The following SLC35F4 variants were observed in gnomAD, a reference collection of about 807,000 sequenced individuals.
The protein encoded by SLC35F4 is solute carrier family 35 member F4.
Under a neutral mutation model 44.2 loss-of-function variants are expected in SLC35F4, and 24 were observed. The observed-to-expected ratio is 0.54, with a 90% CI of 0.39 to 0.76. The LOEUF (loss-of-function observed/expected upper bound fraction) is 0.76, where lower values mean the gene tolerates loss of function less well. Ranked by LOEUF, SLC35F4 falls within the 30% of genes least tolerant of loss-of-function variation. The pLI is 0.00. For synonymous variants in SLC35F4, 238 were observed against 223.6 expected (o/e 1.06, Z -0.57); for missense variants, 562 against 586.1 (o/e 0.96, Z 0.42).
chr14:57,742,578 T>G (rs1318834964), intron 1 of SLC35F4, among the ~76,000 whole-genome samples: 1 of 152,078 alleles, frequency 6.6e-6, no homozygotes, highest in African/African-American at 2.4e-5. Context: ...TAAAGCAAGT[T>G]CTTAGAGACG....
chr14:57,667,188 G>C (rs915554261), intron 1 of SLC35F4, among the ~76,000 whole-genome samples: 1 of 147,504 alleles, frequency 6.8e-6, no homozygotes, highest in Admixed American at 6.7e-5. Context: ...ATACCTGCAA[G>C]CATGGGGGAG....
At chr14:57,870,933 GAA>G (rs2141026929), upstream of SLC35F4, among the ~76,000 whole-genome samples, 1 of 152,352 alleles carries the variant, frequency 6.6e-6, no homozygotes, top group South Asian at 2.1e-4. Flanking sequence ...GTGCTTTGCA[GAA>G]AGAGAAGCTG....
At chr14:57,594,321 C>T (rs1193112847) in intron 1 of SLC35F4, among the ~76,000 whole-genome samples, 197 bp from the exon 2 acceptor site, 1 of 152,144 alleles carries the variant, frequency 6.6e-6, no homozygotes, top group Non-Finnish European at 1.5e-5. Context: ...TCCCAAGTAG[C>T]TCGAATTACA....
intron 1 of SLC35F4, among the ~76,000 whole-genome samples, chr14:57,810,594 A>G (rs962109547): frequency 4.6e-5 from 7 of 152,280 alleles, no homozygotes; most frequent in African/African-American, 4.8e-5. Flanking sequence ...AGTGAGCCCA[A>G]TCTTCCTGCA....
At chr14:57,738,108 C>T (rs2076511100) in intron 1 of SLC35F4, among the ~76,000 whole-genome samples, 1 of 152,034 alleles carries the variant, frequency 6.6e-6, no homozygotes, top group African/African-American at 2.4e-5. Flanking sequence ...AGTAAAATGC[C>T]CACTCCAGAA....
chr14:57,708,911 G>A (rs535590154), intron 1 of SLC35F4, among the ~76,000 whole-genome samples: 1 of 152,326 alleles, frequency 6.6e-6, no homozygotes, highest in African/African-American at 2.4e-5. Context: ...CAGAGAGAGA[G>A]AGGGAGAGAG....
chr14:57,982,663 T>C (rs2747090), upstream of SLC35F4, among the ~76,000 whole-genome samples: 149,085 of 152,232 alleles, frequency 0.98, 73,018 homozygotes, highest in East Asian at 1. Context: ...ATGGTCCTGG[T>C]GGGGTCGTTA....
In SLC35F4 at chr14:57,835,485, T is replaced by C. The variant is rs140797709; in HGVS notation, c.103+30238A>G. ...ACACTCCTAAAAAGCAACAAATGACTGATTTGCTTTTCACATCCTCTCCCT... is the reference window on the plus strand; with the variant it reads ...ACACTCCTAAAAAGCAACAAATGACCGATTTGCTTTTCACATCCTCTCCCT... On this transcript the variant is annotated intron_variant, in intron 1 of 7. Transcript: ENST00000556826. 1.6e-3 allele frequency among the ~76,000 whole-genome samples: 245 copies of C among 152,308 alleles called. 1 individual carries two copies. The highest frequency in any genetic ancestry group is 5.7e-3 in the African/African-American group (237 of 41,564).
intron 1 of SLC35F4, among the ~76,000 whole-genome samples, chr14:57,844,659 G>A (rs1286706894): frequency 6.6e-6 from 1 of 152,096 alleles, no homozygotes; most frequent in Non-Finnish European, 1.5e-5. Flanking sequence ...CCTTCTAGAT[G>A]CAGGAAATAG....
chr14:57,823,138 C>T (rs767604636), intron 1 of SLC35F4, among the ~76,000 whole-genome samples: 12 of 152,116 alleles, frequency 7.9e-5, no homozygotes, highest in Admixed American at 3.3e-4. Flanking sequence ...ACACTCCTCA[C>T]CACAGCCCTG....
chr14:57,641,389 T>C (rs2073231039), intron 1 of SLC35F4, among the ~76,000 whole-genome samples: 1 of 151,948 alleles, frequency 6.6e-6, no homozygotes, highest in Non-Finnish European at 1.5e-5. Flanking sequence ...GGGCCTCAGT[T>C]TCCTCATCTT....
At chr14:57,650,626 T>C (rs2073745841) in intron 1 of SLC35F4, among the ~76,000 whole-genome samples, 1 of 152,140 alleles carries the variant, frequency 6.6e-6, no homozygotes, top group Non-Finnish European at 1.5e-5. Context: ...ATACTTCACA[T>C]AGTAGCCAGA....
rs530993581 is a variant in SLC35F4 at position 57,925,166 on chromosome 14, C to T, written n.282+56747G>A. On this transcript the variant is annotated intron_variant and non_coding_transcript_variant, in intron 1 of 1. Coordinates refer to the SLC35F4 transcript ENST00000556568. ...AGTCTATTAATGAGGGATTCACTCC[C>T]ATAGGCCCCACTTCCATTAGGCCCC... 5.9e-5 allele frequency among the ~76,000 whole-genome samples: 9 copies of T among 152,246 alleles called. No homozygotes were observed. The South Asian group carries it at 1.7e-3, about 28-fold the overall frequency.
chr14:57,773,959 G>C (rs968231408), intron 1 of SLC35F4, among the ~76,000 whole-genome samples: 9 of 152,196 alleles, frequency 5.9e-5, no homozygotes, highest in Non-Finnish European at 1.3e-4. Flanking sequence ...AAAATGTTTA[G>C]TGGAGTTCAG....
rs368678223 is a variant in SLC35F4 at position 57,655,244 on chromosome 14, A to T, written c.104-61120T>A. 4.4e-4 allele frequency among the ~76,000 whole-genome samples: 67 copies of T among 152,224 alleles called. 1 individual carries two copies. In the South Asian group the frequency reaches 0.012, roughly 28 times the overall value. ...AGTGAAAAATAAATAAATTATAAATAATCTTTTTCTAGAAGTTCATGACAT... is the reference window on the plus strand; with the variant it reads ...AGTGAAAAATAAATAAATTATAAATTATCTTTTTCTAGAAGTTCATGACAT... On this transcript the variant is annotated intron_variant, in intron 1 of 7. Coordinates refer to ENST00000556826, the MANE Select transcript of SLC35F4 (RefSeq NM_001306087.2).
intron 1 of SLC35F4, among the ~76,000 whole-genome samples, chr14:57,810,536 T>G (rs983644204): frequency 2.6e-5 from 4 of 152,206 alleles, no homozygotes; most frequent in African/African-American, 9.6e-5. Context: ...TTAGCCTCTC[T>G]TCTCACCGTC....
At chr14:57,785,538 C>T (rs2077734052) in intron 1 of SLC35F4, among the ~76,000 whole-genome samples, 1 of 152,168 alleles carries the variant, frequency 6.6e-6, no homozygotes, top group Non-Finnish European at 1.5e-5. Flanking sequence ...CCCACAGACC[C>T]TCTGAAGGAA....
At chr14:57,632,214 T>G (rs2072810976) in intron 1 of SLC35F4, among the ~76,000 whole-genome samples, 1 of 152,100 alleles carries the variant, frequency 6.6e-6, no homozygotes, top group South Asian at 2.1e-4. Context: ...GTAGCAGTAG[T>G]TTGCAGTTCT....
At chr14:57,964,020 C>G (rs971384547) in intron 1 of SLC35F4, among the ~76,000 whole-genome samples, 5 of 152,122 alleles carry the variant, frequency 3.3e-5, no homozygotes, top group Non-Finnish European at 5.9e-5. Context: ...CCATGCCCAG[C>G]CCTAGCTCAT....
Sources: gnomAD v4.1 joint callset for allele counts (sites outside exome capture counted in the v4.1 genomes callset) on GRCh38, gnomAD v4.1.1 for gene constraint, MANE v1.5 for transcripts, NCBI Gene and HGNC (gene_info 2026-07-23, HGNC 2026-07-21) for gene names.